ETFA: variants seen among roughly 807,000 people sequenced by gnomAD.
ETFA encodes electron transfer flavoprotein subunit alpha.
ETFA carries 22 observed loss-of-function variants against 46.2 expected under a neutral mutation model. That is an observed-to-expected ratio of 0.48 (90% CI 0.34 to 0.68). The LOEUF (loss-of-function observed/expected upper bound fraction) is 0.68. ETFA is among the 30% of genes least tolerant of loss of function. ETFA has a pLI of 0.01. For missense variants in ETFA, 345 were observed against 401.1 expected (o/e 0.86, Z 1.19); for synonymous variants, 131 against 139.9 (o/e 0.94, Z 0.45).
intron 9 of ETFA, among the ~76,000 whole-genome samples, chr15:76,265,941 A>C (rs1210163011): frequency 6.6e-6 from 1 of 152,194 alleles, no homozygotes; most frequent in Non-Finnish European, 1.5e-5. Flanking sequence ...TTGTTTGGCT[A>C]ACTGCCAAAC....
chr15:76,244,665 A>G (rs79380067), intron 9 of ETFA, among the ~76,000 whole-genome samples: 2 of 73,916 alleles, frequency 2.7e-5, no homozygotes, highest in Admixed American at 1.4e-4. Flanking sequence ...TTTTTATAGG[A>G]AAAAAAAAAA....
In ETFA at chr15:76,285,721, C is replaced by A. The variant is rs753363278; in HGVS notation, c.580G>T (p.Val194Leu). Reference protein sequence around the residue: ...SSEKASSTSPVEISEWLDQKL... With the variant: ...SSEKASSTSPLEISEWLDQKL... ...TGGTCAAGCCACTCTGATATTTCCA[C>A]TGGTGAAGTACTTGATGCTGCATAC... Residue 194 changes from valine to leucine, a missense_variant, in exon 7 of 12, where the codon GTG becomes TTG. Val to Leu is a conservative substitution (Grantham distance 32, BLOSUM62 1). Transcript: ENST00000557943. The A allele has an allele frequency of 1.2e-6, 2 of 1,605,464 alleles. No homozygotes were observed. The highest frequency in any genetic ancestry group is 2.7e-5 in the African/African-American group (2 of 74,738).
At chr15:76,277,129 T>TAC (rs2039601356) in intron 8 of ETFA, among the ~76,000 whole-genome samples, 1 of 152,212 alleles carries the variant, frequency 6.6e-6, no homozygotes, top group East Asian at 1.9e-4. Flanking sequence ...ACTAAGACCG[T>TAC]ACCTCAATAA....
At chr15:76,222,492 T>G (rs1233121161) in intron 11 of ETFA, among the ~76,000 whole-genome samples, 1 of 152,214 alleles carries the variant, frequency 6.6e-6, no homozygotes, top group Non-Finnish European at 1.5e-5. Context: ...ATAAGCTCAT[T>G]CTGATTTCAG....
At chr15:76,291,743 C>A (rs1005126620) in intron 4 of ETFA, among the ~76,000 whole-genome samples, 5 of 151,840 alleles carry the variant, frequency 3.3e-5, no homozygotes, top group African/African-American at 1.2e-4. Flanking sequence ...AGTGAGACTC[C>A]ATCTCAAAAA....
At chr15:76,270,565 A>G (rs2039519215) in intron 9 of ETFA, among the ~76,000 whole-genome samples, 1 of 152,234 alleles carries the variant, frequency 6.6e-6, no homozygotes, top group Non-Finnish European at 1.5e-5. Context: ...ATAGCAATGA[A>G]CATAACTAGC....
At chr15:76,235,633 CCT>C (rs1253044285) in intron 9 of ETFA, among the ~76,000 whole-genome samples, 2 of 152,064 alleles carry the variant, frequency 1.3e-5, no homozygotes, top group African/African-American at 4.8e-5. Flanking sequence ...TTCTCTGTGC[CCT>C]GTCCTCAAGA....
At chr15:76,268,882 A>C (rs1003291404) in intron 9 of ETFA, among the ~76,000 whole-genome samples, 18 of 152,154 alleles carry the variant, frequency 1.2e-4, no homozygotes, top group African/African-American at 4.3e-4. Context: ...TTGGATTCAA[A>C]GTTGTGTTAT....
intron 9 of ETFA, among the ~76,000 whole-genome samples, chr15:76,232,305 AC>A (rs2039077118): frequency 6.6e-6 from 1 of 152,222 alleles, no homozygotes; most frequent in African/African-American, 2.4e-5. Context: ...AGAAGAGCTT[AC>A]CTGCTTCATT....
chr15:76,275,426 C>A (rs2039581380), intron 8 of ETFA, among the ~76,000 whole-genome samples: 1 of 152,320 alleles, frequency 6.6e-6, no homozygotes, highest in Admixed American at 6.5e-5. Context: ...CTCCTGCTTT[C>A]TTTCAATTAG....
chr15:76,217,659 G>A (rs2038911027), intron 11 of ETFA: 4 of 453,546 alleles, frequency 8.8e-6, no homozygotes, highest in Non-Finnish European at 1.8e-5. Flanking sequence ...CTTGGACAGA[G>A]GAGAGCTGTC....
intron 11 of ETFA, among the ~76,000 whole-genome samples, chr15:76,217,148 T>C (rs2038904788): frequency 6.6e-6 from 1 of 152,130 alleles, no homozygotes; most frequent in Non-Finnish European, 1.5e-5. Context: ...CAACCACAAA[T>C]TTCAAGAAGG....
At chr15:76,245,198 G>A (rs951943342) in intron 9 of ETFA, 1 of 152,278 alleles carries the variant, frequency 6.6e-6, no homozygotes, top group South Asian at 2.1e-4. Context: ...TAAGAAGCAT[G>A]CTTAGGGTTT....
chr15:76,288,081 G>T, intron 4 of ETFA, 136 bp from the exon 5 acceptor site: 1 of 666,486 alleles, frequency 1.5e-6, no homozygotes, highest in East Asian at 2.9e-5. Flanking sequence ...GTGCACCTTT[G>T]GATACACAAC....
chr15:76,292,559 C>A, intron 3 of ETFA, 46 bp from the exon 4 acceptor site: 1 of 1,580,702 alleles, frequency 6.3e-7, no homozygotes, highest in Non-Finnish European at 8.7e-7. Context: ...GAAATACTTT[C>A]ATATTCATAT....
chr15:76,262,847 A>G (rs1223791015), intron 9 of ETFA, among the ~76,000 whole-genome samples: 1 of 152,182 alleles, frequency 6.6e-6, no homozygotes. Context: ...CAAAAAACAT[A>G]CAAAGGAACA....
intron 9 of ETFA, among the ~76,000 whole-genome samples, chr15:76,246,134 TTATA>T (rs1269999653): frequency 3.3e-5 from 5 of 152,374 alleles, no homozygotes; most frequent in African/African-American, 1.2e-4. Context: ...TTTTTAAGTG[TTATA>T]TAAATATTAA....
chr15:76,244,663 G>C (rs62030241), intron 9 of ETFA, among the ~76,000 whole-genome samples: 1 of 131,444 alleles, frequency 7.6e-6, no homozygotes, highest in Non-Finnish European at 1.6e-5. Context: ...GGTTTTTATA[G>C]GAAAAAAAAA....
intron 11 of ETFA, among the ~76,000 whole-genome samples, chr15:76,222,568 G>GCA (rs2038967874): frequency 1.3e-5 from 2 of 152,066 alleles, no homozygotes; most frequent in South Asian, 4.2e-4. Context: ...GATTTTTACT[G>GCA]CACCTTATCC....
Sources: gnomAD v4.1 joint callset for allele counts (sites outside exome capture counted in the v4.1 genomes callset) on GRCh38, gnomAD v4.1.1 for gene constraint, MANE v1.5 for transcripts, NCBI Gene and HGNC (gene_info 2026-07-23, HGNC 2026-07-21) for gene names.